The following MYRIP variants were observed in gnomAD, a reference collection of about 807,000 sequenced individuals.
MYRIP encodes myosin VIIA and Rab interacting protein, also known as rab effector MyRIP.
MYRIP carries 49 observed loss-of-function variants against 98.0 expected under a neutral mutation model. The ratio of observed to expected loss-of-function variants is 0.50; its 90% CI spans 0.40 to 0.63. The LOEUF (loss-of-function observed/expected upper bound fraction) is 0.63. MYRIP is among the 30% of genes least tolerant of loss of function. The pLI is 0.00. For synonymous variants in MYRIP, 404 were observed against 409.5 expected (o/e 0.99, Z 0.16); for missense variants, 1,004 against 1,058.2 (o/e 0.95, Z 0.71).
Position 40,167,224 on chromosome 3 carries a change from G to A in MYRIP, c.714G>A (p.Thr238=), listed in dbSNP as rs776243279. ...HKEELTEELA[T]TILQKIIRKQ... is the part of the protein sequence containing the mutation. ...AGGAGCTAACTGAGGAACTGGCCAC[G>A]ACAATCCTGCAGAAGGTAGGTGGGT... Residue 238 remains threonine (T), a synonymous_variant, in exon 7 of 17, where the codon ACG becomes ACA. Coordinates refer to ENST00000302541, the MANE Select transcript of MYRIP (RefSeq NM_015460.4). 14 of 1,614,030 alleles carry A rather than the reference G, an allele frequency of 8.7e-6. No individual in the cohort carries two copies. Among genetic ancestry groups the A allele is most frequent in the East Asian group, 4.5e-5 (2 of 44,890 alleles).
At chr3:40,053,004 G>A (rs1374110702) in intron 3 of MYRIP, among the ~76,000 whole-genome samples, 1 of 152,116 alleles carries the variant, frequency 6.6e-6, no homozygotes, top group Non-Finnish European at 1.5e-5. Flanking sequence ...TTAGGAGCTA[G>A]GCTTGTGGAT....
At chr3:40,044,007 G>A (rs1947609578) in intron 2 of MYRIP, 43 bp from the exon 3 acceptor site, 2 of 1,588,734 alleles carry the variant, frequency 1.3e-6, no homozygotes, top group Non-Finnish European at 8.6e-7. Context: ...ACCTGATGTT[G>A]TGTTTCTCTC....
intron 3 of MYRIP, among the ~76,000 whole-genome samples, chr3:40,060,886 C>T (rs1026703121): frequency 6.6e-6 from 1 of 152,010 alleles, no homozygotes; most frequent in Non-Finnish European, 1.5e-5. Flanking sequence ...AGGCACCACG[C>T]CCGACCTAGA....
intron 13 of MYRIP, among the ~76,000 whole-genome samples, chr3:40,247,787 G>C (rs1329470206): frequency 6.6e-6 from 1 of 152,236 alleles, no homozygotes; most frequent in African/African-American, 2.4e-5. Flanking sequence ...GCCTCCCAAA[G>C]TGCTGGGATT....
chr3:40,141,329 C>T (rs79472867), intron 3 of MYRIP, among the ~76,000 whole-genome samples: 1,665 of 152,138 alleles, frequency 0.011, 21 homozygotes, highest in African/African-American at 0.036. Context: ...TGCTTCAGTT[C>T]CTTGTATATT....
In MYRIP at chr3:40,190,220, G is replaced by T; in HGVS notation, c.1422G>T (p.Trp474Cys). 6.2e-7 allele frequency: 1 copy of T among 1,614,126 alleles called. No homozygotes were observed. Among genetic ancestry groups the T allele is most frequent in the Non-Finnish European group, 8.5e-7 (1 of 1,180,020 alleles). Residue 474 changes from tryptophan to cysteine, a missense_variant, in exon 10 of 17, where the codon TGG (tryptophan) becomes TGT (cysteine). Physicochemically the swap from Trp to Cys is radical, Grantham distance 215. Transcript: ENST00000302541. ...TTGGGCACCAGGCCAGACTGTCCTG[G>T]TTGCAGAGGAAGGCCCCCAGGAACC... Reference protein sequence around the residue: ...REVGHQARLSWLQRKAPRNPA... With the variant: ...REVGHQARLSCLQRKAPRNPA...
intron 2 of MYRIP, among the ~76,000 whole-genome samples, chr3:40,018,193 A>C (rs1575468213): frequency 6.6e-6 from 1 of 152,176 alleles, no homozygotes; most frequent in African/African-American, 2.4e-5. Context: ...TGGTTTCATC[A>C]GTGCTTTTGT....
intron 1 of MYRIP, among the ~76,000 whole-genome samples, chr3:39,899,299 A>G (rs1943689388): frequency 6.6e-6 from 1 of 152,162 alleles, no homozygotes; most frequent in Non-Finnish European, 1.5e-5. Context: ...GAATGTACCT[A>G]TTGTATGTTC....
intron 1 of MYRIP, among the ~76,000 whole-genome samples, chr3:39,884,821 T>TG (rs1943247978): frequency 6.6e-6 from 1 of 150,864 alleles, no homozygotes; most frequent in Non-Finnish European, 1.5e-5. Context: ...TTTTTTTTTT[T>TG]GCATGAATGT....
At chr3:40,002,835 A>G (rs1369226490) in intron 2 of MYRIP, among the ~76,000 whole-genome samples, 3 of 152,116 alleles carry the variant, frequency 2.0e-5, no homozygotes, top group Non-Finnish European at 4.4e-5. Context: ...ATATGTATAT[A>G]TACACTCACA....
intron 4 of MYRIP, among the ~76,000 whole-genome samples, chr3:40,153,823 C>T (rs973229445): frequency 2.9e-4 from 44 of 152,160 alleles, no homozygotes; most frequent in Admixed American, 1.3e-4. Context: ...CTTCACTATG[C>T]GGATCACTGT....
chr3:40,100,510 T>C (rs970500696), intron 3 of MYRIP, among the ~76,000 whole-genome samples: 1 of 152,220 alleles, frequency 6.6e-6, no homozygotes, highest in Non-Finnish European at 1.5e-5. Flanking sequence ...GTGGAAAAAG[T>C]ATTTCTCCTC....
chr3:39,958,517 C>T (rs1477654471), intron 2 of MYRIP, among the ~76,000 whole-genome samples: 1 of 152,116 alleles, frequency 6.6e-6, no homozygotes, highest in Non-Finnish European at 1.5e-5. Flanking sequence ...ATACCTTATA[C>T]AAAAATTAAC....
chr3:39,922,045 CAGA>C (rs1390556476), intron 2 of MYRIP, among the ~76,000 whole-genome samples: 1 of 152,072 alleles, frequency 6.6e-6, no homozygotes, highest in Non-Finnish European at 1.5e-5. Context: ...GAACAGTGGA[CAGA>C]AGAAGGCAGA....
At chr3:40,057,696 T>C (rs971893969) in intron 3 of MYRIP, among the ~76,000 whole-genome samples, 13 of 152,186 alleles carry the variant, frequency 8.5e-5, no homozygotes, top group Non-Finnish European at 1.8e-4. Context: ...CACTAGAAAC[T>C]TGTGTTTTGG....
At chr3:39,943,492 A>C (rs928947019) in intron 2 of MYRIP, among the ~76,000 whole-genome samples, 1 of 151,996 alleles carries the variant, frequency 6.6e-6, no homozygotes, top group Non-Finnish European at 1.5e-5. Context: ...TGGGCTTGGG[A>C]TATCATGACT....
chr3:40,143,582 G>A (rs1032199687), intron 3 of MYRIP, among the ~76,000 whole-genome samples: 4 of 152,168 alleles, frequency 2.6e-5, no homozygotes, highest in Non-Finnish European at 2.9e-5. Context: ...AGCTGTCTGC[G>A]TTAACTCTAA....
At chr3:39,965,381 T>C (rs1310743258) in intron 2 of MYRIP, among the ~76,000 whole-genome samples, 1 of 152,118 alleles carries the variant, frequency 6.6e-6, no homozygotes, top group African/African-American at 2.4e-5. Context: ...AACTCTACAT[T>C]CTCCCTATTT....
At chr3:39,990,644 T>C (rs1946150549) in intron 2 of MYRIP, among the ~76,000 whole-genome samples, 1 of 152,228 alleles carries the variant, frequency 6.6e-6, no homozygotes, top group Non-Finnish European at 1.5e-5. Context: ...GAAATCCTAT[T>C]GAAAGCTTTT....
Sources: allele counts gnomAD v4.1 joint callset (sites outside exome capture counted in the v4.1 genomes callset), GRCh38; gene constraint gnomAD v4.1.1; transcripts MANE v1.5; gene names NCBI Gene and HGNC (gene_info 2026-07-23, HGNC 2026-07-21).